TAFA1: variants seen among roughly 807,000 people sequenced by gnomAD.
TAFA1 encodes the protein TAFA chemokine like family member 1, also known as chemokine-like protein TAFA-1.
In TAFA1, 4 loss-of-function variants were observed where a neutral mutation model predicts 18.5. The observed-to-expected ratio is 0.22, with a 90% CI of 0.11 to 0.49. TAFA1 has a LOEUF of 0.49. Ranked by LOEUF, TAFA1 falls within the 20% of genes least tolerant of loss-of-function variation. The probability of loss-of-function intolerance (pLI) is 0.98; values close to 1 mark genes in which losing one functional copy is unlikely to be tolerated. For synonymous variants in TAFA1, 56 were observed against 55.2 expected, an observed-to-expected ratio of 1.01 and a Z score of -0.06; for missense variants, 147 against 169.0, an observed-to-expected ratio of 0.87 and a Z score of 0.72.
At chr3:68,458,137 C>T (rs954401210) in intron 3 of TAFA1, among the ~76,000 whole-genome samples, 5 of 151,992 alleles carry the variant, frequency 3.3e-5, no homozygotes, top group Non-Finnish European at 5.9e-5. Context: ...GCTGTTCTCA[C>T]GATGGTAAGA....
chr3:68,342,626 A>T (rs935452928), intron 2 of TAFA1, among the ~76,000 whole-genome samples: 12 of 152,332 alleles, frequency 7.9e-5, no homozygotes, highest in African/African-American at 2.6e-4. Context: ...TCATGATTCA[A>T]ATATTTAATC....
chr3:68,201,656 T>A (rs949160324), intron 2 of TAFA1, among the ~76,000 whole-genome samples: 2 of 151,754 alleles, frequency 1.3e-5, no homozygotes, highest in Admixed American at 1.3e-4. Flanking sequence ...GTAACTTTCA[T>A]GCATTGTAGC....
intron 2 of TAFA1, among the ~76,000 whole-genome samples, chr3:68,048,027 C>T (rs1004422449): frequency 6.6e-4 from 101 of 152,222 alleles, no homozygotes; most frequent in African/African-American, 2.3e-3. Flanking sequence ...GTAGAGAAAT[C>T]AACCCAGAGC....
intron 3 of TAFA1, among the ~76,000 whole-genome samples, chr3:68,506,977 G>A (rs1460539258): frequency 6.6e-6 from 1 of 152,078 alleles, no homozygotes; most frequent in Non-Finnish European, 1.5e-5. Flanking sequence ...TGTGATGCAG[G>A]AAGGTCTTCG....
At chr3:68,417,478 A>G (rs1278352503) in intron 3 of TAFA1, 58 bp downstream of exon 3, 2 of 1,528,918 alleles carry the variant, frequency 1.3e-6, no homozygotes, top group Non-Finnish European at 1.8e-6. Flanking sequence ...TACATAATAT[A>G]ATTTCTTGTT....
At chr3:68,203,608 A>G (rs2066492299) in intron 2 of TAFA1, among the ~76,000 whole-genome samples, 1 of 151,650 alleles carries the variant, frequency 6.6e-6, no homozygotes, top group African/African-American at 2.4e-5. Context: ...TATGCTCTGT[A>G]CTGTGAACTT....
intron 3 of TAFA1, among the ~76,000 whole-genome samples, chr3:68,481,480 C>T (rs1358564863): frequency 2.6e-5 from 4 of 152,166 alleles, no homozygotes; most frequent in Admixed American, 6.5e-5. Context: ...AATTGGATGA[C>T]GTTATATACC....
rs1288256719 is a variant in TAFA1 at position 68,296,787 on chromosome 3, C to T, written c.119-120493C>T. Among the ~76,000 whole-genome samples the T allele has an allele frequency of 6.6e-5, 10 of 152,134 alleles. No homozygotes were observed. In the East Asian group the frequency reaches 1.9e-3, roughly 29 times the overall value. ...CTTGGGTTACAATGGTGAAAAGATA[C>T]AGACATGGCTGCTACCCTTAACGAG... is the stretch of plus-strand genomic sequence containing the variant. On this transcript the variant is annotated intron_variant, in intron 2 of 4. Coordinates refer to ENST00000478136, the MANE Select transcript of TAFA1 (RefSeq NM_213609.4).
intron 2 of TAFA1, among the ~76,000 whole-genome samples, chr3:68,301,855 A>G (rs2068308037): frequency 6.6e-6 from 1 of 152,210 alleles, no homozygotes; most frequent in African/African-American, 2.4e-5. Context: ...TCAGAATGAT[A>G]GCATTGATTG....
chr3:68,182,756 G>A (rs922284907), intron 2 of TAFA1, among the ~76,000 whole-genome samples: 3 of 151,986 alleles, frequency 2.0e-5, no homozygotes, highest in African/African-American at 7.3e-5. Flanking sequence ...TAAACCCTAC[G>A]TAAAACATAT....
chr3:68,272,713 C>T (rs2067699314), intron 2 of TAFA1, among the ~76,000 whole-genome samples: 1 of 152,160 alleles, frequency 6.6e-6, no homozygotes, highest in Non-Finnish European at 1.5e-5. Context: ...CTCAGGAAAA[C>T]ATTCCTGTGG....
intron 3 of TAFA1, among the ~76,000 whole-genome samples, chr3:68,528,852 G>T (rs1432488181): frequency 1.3e-5 from 2 of 152,028 alleles, no homozygotes; most frequent in Non-Finnish European, 2.9e-5. Flanking sequence ...TTGCCTTTTT[G>T]GTTTGGCATG....
chr3:68,242,738 A>T (rs2067015738), intron 2 of TAFA1, among the ~76,000 whole-genome samples: 1 of 152,146 alleles, frequency 6.6e-6, no homozygotes, highest in African/African-American at 2.4e-5. Context: ...TGTCATTTTG[A>T]TGTAGACTAC....
chr3:68,057,686 A>G (rs1394802576), intron 2 of TAFA1, among the ~76,000 whole-genome samples: 2 of 152,186 alleles, frequency 1.3e-5, no homozygotes, highest in African/African-American at 4.8e-5. Context: ...TTGGTATGGG[A>G]AGATTATCCT....
At chr3:68,314,308 G>T (rs374858233) in intron 2 of TAFA1, among the ~76,000 whole-genome samples, 7 of 152,304 alleles carry the variant, frequency 4.6e-5, no homozygotes, top group African/African-American at 1.2e-4. Context: ...AGAGTTAATT[G>T]TATGTTCAGA....
rs541594692 is a variant in TAFA1 at position 68,186,015 on chromosome 3, C to T, written c.118+179271C>T. 2.0e-5 allele frequency among the ~76,000 whole-genome samples: 3 copies of T among 152,112 alleles called. No individual in the cohort carries two copies. The East Asian group carries it at 5.8e-4, about 30-fold the overall frequency. ...GCTGAGCATGAAGCCTGCTCCTTGTCAAAAAGGGAGGTGAGCAGTGTTAGG... is the reference window on the plus strand; with the variant it reads ...GCTGAGCATGAAGCCTGCTCCTTGTTAAAAAGGGAGGTGAGCAGTGTTAGG... On this transcript the variant is annotated intron_variant, in intron 2 of 4. Coordinates refer to ENST00000478136, the MANE Select transcript of TAFA1 (RefSeq NM_213609.4).
chr3:68,011,161 C>A (rs1391830487), intron 2 of TAFA1, among the ~76,000 whole-genome samples: 1 of 151,698 alleles, frequency 6.6e-6, no homozygotes, highest in Admixed American at 6.6e-5. Flanking sequence ...GTCCTTGAAA[C>A]TTAGTAAAAT....
intron 2 of TAFA1, among the ~76,000 whole-genome samples, chr3:68,035,646 C>T (rs969615431): frequency 2.0e-5 from 3 of 152,174 alleles, no homozygotes; most frequent in Non-Finnish European, 2.9e-5. Flanking sequence ...ATTAAACATA[C>T]ATTTACTTTA....
At chr3:68,169,348 C>A (rs771051206) in intron 2 of TAFA1, among the ~76,000 whole-genome samples, 1 of 152,220 alleles carries the variant, frequency 6.6e-6, no homozygotes, top group Admixed American at 6.5e-5. Flanking sequence ...TGCCGAACTG[C>A]CAGCTCTGTG....
Sources: allele counts gnomAD v4.1 joint callset (sites outside exome capture counted in the v4.1 genomes callset), GRCh38; gene constraint gnomAD v4.1.1; transcripts MANE v1.5; gene names NCBI Gene and HGNC (gene_info 2026-07-23, HGNC 2026-07-21).